Variants in FGF14 observed in about 807,000 individuals in gnomAD.
The protein encoded by FGF14 is fibroblast growth factor 14, also known as fibroblast growth factor homologous factor 4.
Under a neutral mutation model 25.5 loss-of-function variants are expected in FGF14, and 5 were observed. The observed-to-expected ratio is 0.20, with a 90% CI of 0.10 to 0.41. FGF14 has a LOEUF of 0.41. Ranked by LOEUF, FGF14 falls within the 10% of genes least tolerant of loss-of-function variation. The pLI is 1.00. For missense variants in FGF14, 222 were observed against 320.1 expected (o/e 0.69, Z 2.34); for synonymous variants, 138 against 118.3 (o/e 1.17, Z -1.08).
chr13:101,837,717 A>T (rs2042995606), intron 3 of FGF14, among the ~76,000 whole-genome samples: 1 of 152,110 alleles, frequency 6.6e-6, no homozygotes, highest in African/African-American at 2.4e-5. Context: ...AATCACTTTC[A>T]CAATTTTCAA....
chr13:101,830,277 G>GGA (rs946307369), intron 3 of FGF14, among the ~76,000 whole-genome samples: 1 of 151,990 alleles, frequency 6.6e-6, no homozygotes, highest in African/African-American at 2.4e-5. Flanking sequence ...CCTGGGCCTG[G>GGA]GAGAGGAGGC....
chr13:102,384,574 G>A (rs1032873307), intron 1 of FGF14, among the ~76,000 whole-genome samples: 1 of 152,104 alleles, frequency 6.6e-6, no homozygotes, highest in African/African-American at 2.4e-5. Flanking sequence ...TTTATGCCCT[G>A]CAGGAAGCCT....
chr13:101,768,572 A>G (rs2038555433), intron 3 of FGF14, among the ~76,000 whole-genome samples: 1 of 152,156 alleles, frequency 6.6e-6, no homozygotes, highest in African/African-American at 2.4e-5. Flanking sequence ...AAGACTCACT[A>G]TACAGTTACC....
chr13:101,908,200 A>G (rs934891476), intron 1 of FGF14, among the ~76,000 whole-genome samples: 5 of 152,226 alleles, frequency 3.3e-5, no homozygotes, highest in Admixed American at 2.6e-4. Context: ...TTAAAGTAGG[A>G]CCAATGTGTC....
chr13:101,977,862 A>G (rs2038021127), intron 1 of FGF14, among the ~76,000 whole-genome samples: 1 of 152,066 alleles, frequency 6.6e-6, no homozygotes, highest in Admixed American at 6.6e-5. Flanking sequence ...TTTAACTTAC[A>G]TGCTTACTAA....
intron 1 of FGF14, among the ~76,000 whole-genome samples, chr13:102,399,553 A>G (rs1263010282): frequency 6.6e-6 from 1 of 152,194 alleles, no homozygotes; most frequent in African/African-American, 2.4e-5. Flanking sequence ...TGCAGATGTA[A>G]GTTGGTTTTG....
At chr13:102,174,825 C>T (rs1448767405) in intron 1 of FGF14, among the ~76,000 whole-genome samples, 1 of 152,030 alleles carries the variant, frequency 6.6e-6, no homozygotes, top group African/African-American at 2.4e-5. Flanking sequence ...GTATTATGCT[C>T]ACTACCAGGG....
chr13:102,237,020 C>A (rs2051360046), intron 1 of FGF14, among the ~76,000 whole-genome samples: 1 of 152,186 alleles, frequency 6.6e-6, no homozygotes, highest in East Asian at 1.9e-4. Flanking sequence ...GAATGCCATT[C>A]TCCTGTGTGA....
At chr13:102,060,455 G>A (rs551744695) in intron 1 of FGF14, among the ~76,000 whole-genome samples, 1 of 152,296 alleles carries the variant, frequency 6.6e-6, no homozygotes, top group African/African-American at 2.4e-5. Context: ...GAACCCGGGG[G>A]GCAGAGCTTG....
chr13:102,386,895 GA>G (rs2058317819), intron 1 of FGF14, among the ~76,000 whole-genome samples: 1 of 152,196 alleles, frequency 6.6e-6, no homozygotes, highest in Non-Finnish European at 1.5e-5. Flanking sequence ...ACTCATTTGC[GA>G]AAAGTTTGAT....
intron 1 of FGF14, among the ~76,000 whole-genome samples, chr13:102,210,176 T>C (rs1395088836): frequency 1.3e-5 from 2 of 151,594 alleles, no homozygotes; most frequent in Non-Finnish European, 2.9e-5. Context: ...ATAAATATTT[T>C]CATTATAGAG....
rs539794627 is a variant in FGF14, at chr13:102,322,353, T to C, written c.208+79118A>G. ...TACCTTGGCATAGAGTGCAGGAACA[T>C]ATTTATTACTGGTGGGAAAGACCTA... On this transcript the variant is annotated intron_variant, in intron 1 of 4. Transcript: ENST00000376131. Among the ~76,000 whole-genome samples the C allele has an allele frequency of 3.2e-4, 49 of 152,230 alleles. No individual in the cohort carries two copies. In the South Asian group the frequency reaches 9.3e-3, roughly 29 times the overall value.
At chr13:102,118,710 C>T (rs1659541368) in intron 1 of FGF14, among the ~76,000 whole-genome samples, 1 of 151,922 alleles carries the variant, frequency 6.6e-6, no homozygotes, top group Non-Finnish European at 1.5e-5. Context: ...TGTATATATA[C>T]TTCAAAATAT....
Position 102,324,920 on chromosome 13 carries a change from TG to T in FGF14, c.208+76550del, listed in dbSNP as rs529555502. 9.2e-4 allele frequency among the ~76,000 whole-genome samples: 140 copies of T among 152,284 alleles called. 1 individual carries two copies. The highest frequency in any genetic ancestry group is 2.9e-3 in the African/African-American group (122 of 41,542). ...CGCCTGCTAACCATTAATTGATATT[TG>T]TTTTTTTTTGATAATTTTGCAAATG... On this transcript the variant is annotated intron_variant, in intron 1 of 4. Coordinates refer to the FGF14 transcript ENST00000376131.
chr13:102,125,320 T>C (rs557962058), intron 1 of FGF14, among the ~76,000 whole-genome samples: 72 of 152,272 alleles, frequency 4.7e-4, no homozygotes, highest in African/African-American at 1.6e-3. Flanking sequence ...TATTTAAAAA[T>C]ACATATTCAT....
intron 1 of FGF14, among the ~76,000 whole-genome samples, chr13:102,265,258 T>C (rs906710867): frequency 6.6e-6 from 1 of 152,138 alleles, no homozygotes; most frequent in Non-Finnish European, 1.5e-5. Flanking sequence ...TATAAACTCC[T>C]TAACTCTCCA....
intron 1 of FGF14, among the ~76,000 whole-genome samples, chr13:102,330,744 C>T (rs140126866): frequency 7.3e-4 from 111 of 152,278 alleles, no homozygotes; most frequent in Middle Eastern, 6.8e-3. Context: ...GATCATCACT[C>T]CCTCCTCCCT....
intron 1 of FGF14, among the ~76,000 whole-genome samples, chr13:102,270,430 T>A (rs1489608605): frequency 6.6e-6 from 1 of 152,178 alleles, no homozygotes; most frequent in African/African-American, 2.4e-5. Flanking sequence ...AAAACATTTC[T>A]CTATAGATAG....
At position 101,720,505 on chromosome 13, in the gene FGF14, T is replaced by TAACA. The variant is rs1372903096; in HGVS notation, c.*2322_*2325dup. On this transcript the variant is annotated 3_prime_UTR_variant, in exon 5 of 5. Transcript: ENST00000376143. ...ACCAGCAAGTAGGGCTAATTATCAG[T>TAACA]AACAAATAGATGGGGGTGTTTGCTC... The TAACA allele has an allele frequency of 3.3e-5, 5 of 150,722 alleles. No homozygotes were observed. Among genetic ancestry groups the TAACA allele is most frequent in the Admixed American group, 1.3e-4 (2 of 15,018 alleles). The allele number at this position is 150,722 out of a possible 1,614,324, so 9.3% of individuals were successfully genotyped here.
Sources: gnomAD v4.1 joint callset for allele counts (sites outside exome capture counted in the v4.1 genomes callset) on GRCh38, gnomAD v4.1.1 for gene constraint, MANE v1.5 for transcripts, NCBI Gene and HGNC (gene_info 2026-07-23, HGNC 2026-07-21) for gene names.